The following A1BG variants were observed in gnomAD, a reference collection of about 807,000 sequenced individuals.
A1BG encodes the protein alpha-1-B glycoprotein.
A1BG carries 44 observed loss-of-function variants against 46.0 expected under a neutral mutation model. The ratio of observed to expected loss-of-function variants is 0.96; its 90% confidence interval spans 0.75 to 1.23. The LOEUF (loss-of-function observed/expected upper bound fraction) is 1.23, where lower values mean the gene tolerates loss of function less well. A1BG is among the 50% of genes most tolerant of loss of function. The pLI is 0.00. For synonymous variants in A1BG, 316 were observed against 314.7 expected, an observed-to-expected ratio of 1.00 and a Z score of -0.04; for missense variants, 707 against 688.8, an observed-to-expected ratio of 1.03 and a Z score of -0.30.
intron 3 of A1BG, 47 bp from the exon 4 acceptor site, chr19:58,352,602 G>T (rs1481884777): frequency 6.3e-7 from 1 of 1,580,120 alleles, no homozygotes; most frequent in East Asian, 2.2e-5. Flanking sequence ...AACAGGAGAC[G>T]TGGGAAGCCC....
chr19:58,346,427 AG>A lies in A1BG; in HGVS notation c.*594del, dbSNP rs1429107418. ...TCTCTACAAAAAATAAATAATAGAA[AG>A]AAAAATGTGAGTTGGCCAGGCATGG... On this transcript the variant is annotated 3_prime_UTR_variant, in exon 8 of 8. Transcript: ENST00000263100. The A allele has an allele frequency of 6.3e-6, 1 of 158,812 alleles. No homozygotes were observed. The highest frequency in any genetic ancestry group is 1.4e-5 in the Non-Finnish European group (1 of 72,260). The allele number at this position is 158,812 out of a possible 1,614,324, so 9.8% of individuals were successfully genotyped here. A position where few individuals can be genotyped will look rare whatever the true frequency, so the allele number is the denominator to read the frequency against.
At chr19:58,350,162 G>C (rs1286300453) in intron 6 of A1BG, 6 of 633,070 alleles carry the variant, frequency 9.5e-6, no homozygotes, top group Non-Finnish European at 1.5e-5. Context: ...CGTGACCTAC[G>C]GGCTTGCGTC....
In A1BG at chr19:58,352,465, C is replaced by T. The variant is rs372209543; in HGVS notation, c.431G>A (p.Arg144Gln). The T allele has an allele frequency of 1.1e-5, 17 of 1,613,548 alleles. No homozygotes were observed. The highest frequency in any genetic ancestry group is 8.0e-5 in the African/African-American group (6 of 74,890). ...CCGCCTCAGCAGAAAAGTCACACCC[C>T]GCAGCACACCTCGGCACACTGCTGT... The part of the protein sequence containing the change: ...KTTAVCRGVL[R>Q]GVTFLLRREG... Residue 144 changes from arginine (R) to glutamine (Q), a missense_variant, in exon 4 of 8, where the codon CGG becomes CAG. Transcript: ENST00000263100.
chr19:58,350,497 G>A lies in A1BG; in HGVS notation c.1065C>T (p.Thr355=), dbSNP rs201786341. ...TGTTGTGCAGCTCGAAGAGCGCCTC[G>A]GTCCCAGCGGGGCTCTGGAAACGGT... ...RVHRFQSPAG[T]EALFELHNIS... The change falls in exon 6 of 8, where the codon ACC becomes ACT. Residue 355 remains threonine (T), a synonymous_variant. Transcript: ENST00000263100. 3.0e-5 allele frequency: 46 copies of A among 1,555,660 alleles called. No homozygotes were observed. Among genetic ancestry groups the A allele is most frequent in the African/African-American group, 2.2e-4 (16 of 73,248 alleles).
rs1262501552 is a variant in A1BG at position 58,347,540 on chromosome 19, G to A, written c.1293C>T (p.Thr431=). 1 of 1,573,044 alleles carries A rather than the reference G, an allele frequency of 6.4e-7. No homozygotes were observed. Among genetic ancestry groups the A allele is most frequent in the Non-Finnish European group, 8.6e-7 (1 of 1,161,332 alleles). ...TCTCGCCCTCGCGCAGCAGCTCGAA[G>A]GTGACGTCGGGGATGGGTCCCTCGC... ...LRCEGPIPDV[T]FELLREGETK... is the part of the protein sequence containing the mutation. Residue 431 remains threonine, a synonymous_variant, in exon 7 of 8, where the codon ACC becomes ACT. Coordinates refer to ENST00000263100, the MANE Select transcript of A1BG (RefSeq NM_130786.4).
intron 4 of A1BG, 161 bp downstream of exon 4, chr19:58,352,122 G>A (rs2051965561): frequency 6.8e-7 from 1 of 1,472,722 alleles, no homozygotes; most frequent in Non-Finnish European, 8.9e-7. Flanking sequence ...GGCATCCTCT[G>A]CCCAAACTCC....
chr19:58,353,172 C>T lies in A1BG; in HGVS notation c.96G>A (p.Trp32Ter). Residue 32 changes from tryptophan to a stop codon, truncating the protein, a stop_gained, in exon 3 of 8, where the codon TGG becomes TGA. Coordinates refer to ENST00000263100, the MANE Select transcript of A1BG (RefSeq NM_130786.4). LOFTEE classifies it high-confidence loss of function. ...GTTTCAGCAGTGATTCGGACTCTGCCCACAGGCTGGGCTGCGTCTCATAAA... is the reference window on the plus strand; with the variant it reads ...GTTTCAGCAGTGATTCGGACTCTGCTCACAGGCTGGGCTGCGTCTCATAAA... ...AIFYETQPSL[W>*]AESESLLKPL... 1.2e-6 allele frequency: 2 copies of T among 1,614,020 alleles called. No individual in the cohort carries two copies. The highest frequency in any genetic ancestry group is 1.7e-6 in the Non-Finnish European group (2 of 1,179,906).
intron 7 of A1BG, 124 bp downstream of exon 7, chr19:58,347,229 G>C: frequency 7.1e-7 from 1 of 1,402,210 alleles, no homozygotes; most frequent in South Asian, 1.3e-5. Context: ...ACGAGCCCTG[G>C]GGAGACCCAG....
intron 7 of A1BG, 31 bp downstream of exon 7, chr19:58,347,322 A>T (rs1407273471): frequency 6.2e-7 from 1 of 1,608,316 alleles, no homozygotes; most frequent in Admixed American, 1.7e-5. Flanking sequence ...CAGCAGACGG[A>T]ACCAGCACCC....
At chr19:58,350,225 G>T (rs1054606000) in intron 6 of A1BG, 145 bp downstream of exon 6, 2 of 1,091,188 alleles carry the variant, frequency 1.8e-6, no homozygotes, top group Non-Finnish European at 2.5e-6. Context: ...ACCACCGATC[G>T]CCTGCTCCCC....
chr19:58,350,603 G>T lies in A1BG; in HGVS notation c.959C>A (p.Ala320Asp). Residue 320 changes from alanine (A) to aspartate (D), a missense_variant, in exon 6 of 8, where the codon GCC becomes GAC. Coordinates refer to ENST00000263100, the MANE Select transcript of A1BG (RefSeq NM_130786.4). ...GGGCGCCAGGCACCGCAGCCGCAAG[G>T]CCCTGCCGGACTCCGGCTCCGGGGA... is the stretch of plus-strand genomic sequence containing the variant. ...EFSPEPESGRALRLRCLAPLE... is the reference protein window; with the variant it reads ...EFSPEPESGRDLRLRCLAPLE... 6.8e-7 allele frequency: 1 copy of T among 1,470,726 alleles called. No individual in the cohort carries two copies. The highest frequency in any genetic ancestry group is 2.7e-5 in the East Asian group (1 of 37,226). 91.1% of individuals were successfully genotyped at this position (1,470,726 alleles called of 1,614,324 possible). A position where few individuals can be genotyped will look rare whatever the true frequency, so the allele number is the denominator to read the frequency against.
rs777463133 is a variant in A1BG, at chr19:58,347,042, A to G, written c.1481-13T>C. The G allele has an allele frequency of 2.5e-6, 4 of 1,613,854 alleles. 1 individual carries two copies. The highest frequency in any genetic ancestry group is 3.4e-6 in the Non-Finnish European group (4 of 1,179,936). On this transcript the variant is annotated splice_polypyrimidine_tract_variant and intron_variant, in intron 7 of 7. Transcript: ENST00000263100. ...CTGCATCAGCTTTCTAGACAACGGG[A>G]GAAAAGAGAAATGGTGGAGGAGGGG...
At position 58,351,374 on chromosome 19, in the gene A1BG, T is replaced by G. The variant is rs1047140142; in HGVS notation, c.910+17A>C. 3 of 1,605,340 alleles carry G rather than the reference T, an allele frequency of 1.9e-6. No homozygotes were observed. The highest frequency in any genetic ancestry group is 2.5e-6 in the Non-Finnish European group (3 of 1,178,966). On this transcript the variant is annotated intron_variant, in intron 5 of 7. Coordinates refer to ENST00000263100, the MANE Select transcript of A1BG (RefSeq NM_130786.4). ...AGGGACCCAGCCGCGTCCCTGTCCCTGCTGGCCCCGGCTCACCATCGCTCA... is the reference window on the plus strand; with the variant it reads ...AGGGACCCAGCCGCGTCCCTGTCCCGGCTGGCCCCGGCTCACCATCGCTCA...
At chr19:58,347,746 C>G in intron 6 of A1BG, 106 bp from the exon 7 acceptor site, 1 of 658,780 alleles carries the variant, frequency 1.5e-6, no homozygotes. Context: ...GCCTCAGCCC[C>G]GGCTTCATCT....
chr19:58,351,768 T>C, intron 4 of A1BG, 81 bp from the exon 5 acceptor site: 2 of 1,336,722 alleles, frequency 1.5e-6, no homozygotes, highest in Non-Finnish European at 1.0e-6. Flanking sequence ...GCCCTCCGGG[T>C]GGCAATCCCA....
chr19:58,350,356 C>T lies in A1BG; in HGVS notation c.1192+14G>A. 6.5e-7 allele frequency: 1 copy of T among 1,529,292 alleles called. No individual in the cohort carries two copies. The allele number at this position is 1,529,292 out of a possible 1,614,324, so 94.7% of individuals were successfully genotyped here. The stretch of plus-strand genomic sequence containing the variant: ...GAACCCGCGCCCGCCCTCGCTGGTG[C>T]CCCGCCAGCTCACCGTCCACGTGCA... On this transcript the variant is annotated intron_variant, in intron 6 of 7. Coordinates refer to ENST00000263100, the MANE Select transcript of A1BG (RefSeq NM_130786.4).
chr19:58,352,826 G>A (rs908267408), intron 3 of A1BG, 102 bp downstream of exon 3: 87 of 1,470,394 alleles, frequency 5.9e-5, no homozygotes, highest in Middle Eastern at 2.5e-4. Flanking sequence ...GGGAAGATTG[G>A]GGCTTGGGGC....
At chr19:58,352,593 A>G in intron 3 of A1BG, 38 bp from the exon 4 acceptor site, 1 of 1,589,316 alleles carries the variant, frequency 6.3e-7, no homozygotes, top group East Asian at 2.2e-5. Flanking sequence ...CTTCTGCATA[A>G]CAGGAGACGT....
At position 58,346,763 on chromosome 19, in the gene A1BG, C is replaced by A; in HGVS notation, c.*259G>T. 1.7e-6 allele frequency: 1 copy of A among 596,840 alleles called. No homozygotes were observed. The highest frequency in any genetic ancestry group is 3.0e-6 in the Non-Finnish European group (1 of 332,888). The allele number at this position is 596,840 out of a possible 1,614,324, so 37.0% of individuals were successfully genotyped here. Reference sequence around the variant, plus strand: ...AAAACTGTGCTCTTAAGAGCCAGTTCTCCACTCCTCTACCTCAGGAGCCAC... The same window carrying A: ...AAAACTGTGCTCTTAAGAGCCAGTTATCCACTCCTCTACCTCAGGAGCCAC... On this transcript the variant is annotated 3_prime_UTR_variant, in exon 8 of 8. Transcript: ENST00000263100.
Sources: allele counts gnomAD v4.1 joint callset, GRCh38; gene constraint gnomAD v4.1.1; transcripts MANE v1.5; gene names NCBI Gene and HGNC (gene_info 2026-07-23, HGNC 2026-07-21).